HHAT: variants seen among roughly 807,000 people sequenced by gnomAD.
HHAT encodes protein-cysteine N-palmitoyltransferase HHAT.
HHAT carries 47 observed loss-of-function variants against 70.8 expected under a neutral mutation model. The observed-to-expected ratio is 0.66, with a 90% CI of 0.53 to 0.85. The LOEUF (loss-of-function observed/expected upper bound fraction) is 0.85, where lower values mean the gene tolerates loss of function less well. Ranked by LOEUF, HHAT falls within the 40% of genes least tolerant of loss-of-function variation. The pLI is 0.00. For missense variants in HHAT, 609 were observed against 604.8 expected, an observed-to-expected ratio of 1.01 and a Z score of -0.07; for synonymous variants, 228 against 247.6, an observed-to-expected ratio of 0.92 and a Z score of 0.74.
chr1:210,621,553 C>T (rs765461495), intron 10 of HHAT, among the ~76,000 whole-genome samples: 9 of 152,212 alleles, frequency 5.9e-5, no homozygotes, highest in Non-Finnish European at 1.0e-4. Context: ...AAATATCTTC[C>T]TCTGCTTTAG....
intron 9 of HHAT, among the ~76,000 whole-genome samples, chr1:210,534,609 T>A (rs1343649831): frequency 6.6e-6 from 1 of 152,166 alleles, no homozygotes; most frequent in Non-Finnish European, 1.5e-5. Context: ...ATGAAATTCA[T>A]TTATGTTTAA....
intron 10 of HHAT, among the ~76,000 whole-genome samples, chr1:210,604,405 G>A (rs963791748): frequency 1.5e-4 from 23 of 151,940 alleles, no homozygotes; most frequent in Non-Finnish European, 1.9e-4. Context: ...TTTATTGAGA[G>A]GGAATATGTT....
At chr1:210,592,680 C>A (rs546556660) in intron 10 of HHAT, among the ~76,000 whole-genome samples, 1 of 151,822 alleles carries the variant, frequency 6.6e-6, no homozygotes, top group African/African-American at 2.4e-5. Context: ...GAATATCTTT[C>A]CATTTTTTGT....
At chr1:210,573,177 G>A (rs980283251) in intron 9 of HHAT, among the ~76,000 whole-genome samples, 3 of 152,120 alleles carry the variant, frequency 2.0e-5, no homozygotes, top group Non-Finnish European at 2.9e-5. Flanking sequence ...TAGACCTTTC[G>A]AGAGGCCTCA....
intron 11 of HHAT, among the ~76,000 whole-genome samples, chr1:210,625,581 CT>C (rs1669688226): frequency 6.6e-6 from 1 of 152,152 alleles, no homozygotes; most frequent in Non-Finnish European, 1.5e-5. Context: ...AGAAGATGGG[CT>C]TTTCAGAAGA....
At chr1:210,527,559 T>G (rs1431283065) in intron 9 of HHAT, among the ~76,000 whole-genome samples, 1 of 152,210 alleles carries the variant, frequency 6.6e-6, no homozygotes, top group Admixed American at 6.5e-5. Flanking sequence ...TGTCATTCTT[T>G]GGGATCTTAG....
chr1:210,509,505 C>T (rs2148572152), intron 8 of HHAT, among the ~76,000 whole-genome samples: 1 of 152,250 alleles, frequency 6.6e-6, no homozygotes, highest in Non-Finnish European at 1.5e-5. Context: ...TAGTTTTACC[C>T]CTAACTAACA....
chr1:210,487,715 C>T (rs1340520376), intron 8 of HHAT, among the ~76,000 whole-genome samples: 1 of 152,156 alleles, frequency 6.6e-6, no homozygotes, highest in Non-Finnish European at 1.5e-5. Context: ...GTTCTTTTAC[C>T]TTTCCCTCAG....
At chr1:210,596,645 C>T (rs1299438025) in intron 10 of HHAT, among the ~76,000 whole-genome samples, 1 of 152,030 alleles carries the variant, frequency 6.6e-6, no homozygotes, top group Non-Finnish European at 1.5e-5. Context: ...TTTTCATCTT[C>T]AGAATTCCTG....
intron 9 of HHAT, among the ~76,000 whole-genome samples, chr1:210,581,369 A>G (rs1457308361): frequency 2.0e-5 from 3 of 152,214 alleles, no homozygotes; most frequent in Non-Finnish European, 4.4e-5. Flanking sequence ...GGCCAAGGCC[A>G]AAGCTAGAGC....
chr1:210,533,063 T>C (rs2095331359), intron 9 of HHAT, among the ~76,000 whole-genome samples: 1 of 152,212 alleles, frequency 6.6e-6, no homozygotes, highest in Admixed American at 6.5e-5. Context: ...TGGAAGCCTC[T>C]CCTTGTTTTT....
At chr1:210,371,319 T>C (rs1377386098) in intron 3 of HHAT, among the ~76,000 whole-genome samples, 1 of 152,186 alleles carries the variant, frequency 6.6e-6, no homozygotes, top group African/African-American at 2.4e-5. Context: ...TGGCTAACTT[T>C]TTGTATTTTT....
chr1:210,517,242 A>G (rs2095072273), intron 9 of HHAT, among the ~76,000 whole-genome samples: 1 of 152,204 alleles, frequency 6.6e-6, no homozygotes, highest in Non-Finnish European at 1.5e-5. Flanking sequence ...AAAGTAAGTG[A>G]TTTTGGTTTG....
intron 11 of HHAT, among the ~76,000 whole-genome samples, chr1:210,642,517 G>T (rs1170947221): frequency 6.6e-6 from 1 of 152,152 alleles, no homozygotes; most frequent in Non-Finnish European, 1.5e-5. Flanking sequence ...TCCAAAACTT[G>T]TAACTGTCTT....
chr1:210,447,965 G>A (rs1193339134), intron 7 of HHAT, among the ~76,000 whole-genome samples: 1 of 152,160 alleles, frequency 6.6e-6, no homozygotes, highest in African/African-American at 2.4e-5. Flanking sequence ...CAGCCACCTT[G>A]AAGGGGATGT....
At chr1:210,331,718 A>G (rs1436980792) in intron 1 of HHAT, among the ~76,000 whole-genome samples, 1 of 152,200 alleles carries the variant, frequency 6.6e-6, no homozygotes, top group East Asian at 1.9e-4. Flanking sequence ...CGTGTCAGAA[A>G]TCCCAGTGTT....
At chr1:210,517,356 A>G (rs2095074522) in intron 9 of HHAT, among the ~76,000 whole-genome samples, 1 of 152,104 alleles carries the variant, frequency 6.6e-6, no homozygotes. Context: ...TGAACTCATG[A>G]GCTCAAGCGA....
At chr1:210,421,762 T>C (rs1039132714) in intron 7 of HHAT, among the ~76,000 whole-genome samples, 9 of 152,210 alleles carry the variant, frequency 5.9e-5, no homozygotes, top group Admixed American at 2.0e-4. Context: ...TAATTTCTAA[T>C]GAAATAACTG....
At chr1:210,670,737 A>C (rs1219693679) in intron 11 of HHAT, among the ~76,000 whole-genome samples, 1 of 152,108 alleles carries the variant, frequency 6.6e-6, no homozygotes, top group African/African-American at 2.4e-5. Flanking sequence ...AAGTCCAGTG[A>C]GCTGTGGGCA....
Sources: gnomAD v4.1 joint callset for allele counts (sites outside exome capture counted in the v4.1 genomes callset) on GRCh38, gnomAD v4.1.1 for gene constraint, MANE v1.5 for transcripts, NCBI Gene and HGNC (gene_info 2026-07-23, HGNC 2026-07-21) for gene names.